Variants in CSGALNACT2 observed in about 807,000 individuals in gnomAD.
CSGALNACT2 encodes the protein chondroitin sulfate N-acetylgalactosaminyltransferase 2, also known as beta 4 GalNAcT-2.
In CSGALNACT2, 35 loss-of-function variants were observed where a neutral mutation model predicts 55.3. The ratio of observed to expected loss-of-function variants is 0.63; its 90% CI spans 0.48 to 0.84. CSGALNACT2 has a LOEUF of 0.84. Ranked by LOEUF, CSGALNACT2 falls within the 40% of genes least tolerant of loss-of-function variation. The probability of loss-of-function intolerance (pLI) is 0.00; values close to 1 mark genes in which losing one functional copy is unlikely to be tolerated. For missense variants in CSGALNACT2, 544 were observed against 657.5 expected, an observed-to-expected ratio of 0.83 and a Z score of 1.89; for synonymous variants, 196 against 224.9, an observed-to-expected ratio of 0.87 and a Z score of 1.15.
chr10:43,155,837 ATTATG>A, intron 2 of CSGALNACT2, 27 bp downstream of exon 2: 1 of 1,565,336 alleles, frequency 6.4e-7, no homozygotes. Flanking sequence ...GTTGGTCAAT[ATTATG>A]TTAGTAAGAC....
chr10:43,165,157 G>A (rs555580585), intron 5 of CSGALNACT2, among the ~76,000 whole-genome samples: 4 of 152,106 alleles, frequency 2.6e-5, no homozygotes, highest in African/African-American at 9.6e-5. Context: ...CCCAGGAGGC[G>A]GAGCTTGCAG....
chr10:43,167,160 G>A, intron 6 of CSGALNACT2, 62 bp downstream of exon 6: 1 of 1,065,710 alleles, frequency 9.4e-7, no homozygotes, highest in South Asian at 1.4e-5. Flanking sequence ...TGTTTGTTGT[G>A]TAAGTAGAAA....
At chr10:43,149,354 T>C (rs888984692) in intron 1 of CSGALNACT2, among the ~76,000 whole-genome samples, 18 of 152,212 alleles carry the variant, frequency 1.2e-4, no homozygotes, top group Non-Finnish European at 2.2e-4. Flanking sequence ...TCCAAAGTGC[T>C]GGAATTACAG....
chr10:43,177,999 TTTC>T (rs1839513597), intron 7 of CSGALNACT2, among the ~76,000 whole-genome samples: 1 of 152,232 alleles, frequency 6.6e-6, no homozygotes, highest in African/African-American at 2.4e-5. Context: ...GATTATAATT[TTTC>T]TTATGATTAA....
At chr10:43,172,049 C>T (rs984522283) in intron 6 of CSGALNACT2, among the ~76,000 whole-genome samples, 3 of 152,190 alleles carry the variant, frequency 2.0e-5, no homozygotes, top group Non-Finnish European at 2.9e-5. Context: ...TCCGTCGCTT[C>T]TGTTGGGGAT....
intron 6 of CSGALNACT2, 133 bp from the exon 7 acceptor site, chr10:43,175,818 C>A: frequency 1.3e-6 from 1 of 744,180 alleles, no homozygotes; most frequent in Non-Finnish European, 2.3e-6. Context: ...AACATAAGTG[C>A]ATGTGATCCT....
At position 43,160,487 on chromosome 10, in the gene CSGALNACT2, C is replaced by G; in HGVS notation, c.879-7C>G. On this transcript the variant is annotated splice_region_variant and splice_polypyrimidine_tract_variant and intron_variant, in intron 3 of 7. Coordinates refer to ENST00000374466, the MANE Select transcript of CSGALNACT2 (RefSeq NM_018590.5). The stretch of plus-strand genomic sequence containing the variant: ...TTGAATAAACTTTTATTTTTCACTT[C>G]TGTTAGGGATGTTTGTATTCATCAA... The G allele has an allele frequency of 7.0e-7, 1 of 1,421,758 alleles. No individual in the cohort carries two copies. The highest frequency in any genetic ancestry group is 1.8e-4 in the Middle Eastern group (1 of 5,636). The allele number at this position is 1,421,758 out of a possible 1,614,324, so 88.1% of individuals were successfully genotyped here. A position where few individuals can be genotyped will look rare whatever the true frequency, so the allele number is the denominator to read the frequency against.
intron 7 of CSGALNACT2, among the ~76,000 whole-genome samples, chr10:43,181,681 G>A (rs564702535): frequency 2.6e-5 from 4 of 151,176 alleles, no homozygotes; most frequent in South Asian, 2.1e-4. Context: ...AGGAGGCTAA[G>A]GCAGAAGGAT....
In CSGALNACT2 at chr10:43,183,742, C is replaced by G. The variant is rs1488191876; in HGVS notation, c.*200C>G. The G allele has an allele frequency of 5.1e-6, 3 of 588,054 alleles. No homozygotes were observed. In the East Asian group the frequency reaches 8.5e-5, roughly 17 times the overall value. The allele number at this position is 588,054 out of a possible 1,614,324, so 36.4% of individuals were successfully genotyped here. A position where few individuals can be genotyped will look rare whatever the true frequency, so the allele number is the denominator to read the frequency against. On this transcript the variant is annotated 3_prime_UTR_variant, in exon 8 of 8. Coordinates refer to ENST00000374466, the MANE Select transcript of CSGALNACT2 (RefSeq NM_018590.5). Reference sequence around the variant, plus strand: ...ACAAAATCTCTGTTTTGTGAGAATACTGCACTATGGAATAATTGACAAATT... The same window carrying G: ...ACAAAATCTCTGTTTTGTGAGAATAGTGCACTATGGAATAATTGACAAATT...
Position 43,155,384 on chromosome 10 carries a change from A to G in CSGALNACT2, c.235A>G (p.Ile79Val). Reference protein sequence around the residue: ...QTRATSLKRQIAQLKQELQEM... With the variant: ...QTRATSLKRQVAQLKQELQEM... ...CAGGGCAACCAGTCTGAAACGCCAA[A>G]TTGCCCAACTAAAACAAGAATTACA... The change falls in exon 2 of 8, where the codon ATT (isoleucine) becomes GTT (valine). Residue 79 changes from isoleucine to valine, a missense_variant. This residue lies in a region of CSGALNACT2 where 374 missense variants were observed against 401.3 expected (regional missense o/e 0.93). Coordinates refer to ENST00000374466, the MANE Select transcript of CSGALNACT2 (RefSeq NM_018590.5). 1 of 1,614,224 alleles carries G rather than the reference A, an allele frequency of 6.2e-7. No individual in the cohort carries two copies. The highest frequency in any genetic ancestry group is 8.5e-7 in the Non-Finnish European group (1 of 1,180,040).
At chr10:43,174,204 C>CA (rs888916623) in intron 6 of CSGALNACT2, among the ~76,000 whole-genome samples, 1,870 of 139,228 alleles carry the variant, frequency 0.013, 17 homozygotes, top group African/African-American at 0.04. Context: ...CCCCTCAGCT[C>CA]AAAAAAAAAA....
At chr10:43,140,661 A>G (rs1292010514) in intron 1 of CSGALNACT2, among the ~76,000 whole-genome samples, 1 of 152,252 alleles carries the variant, frequency 6.6e-6, no homozygotes, top group Admixed American at 6.5e-5. Context: ...TGAAATACCA[A>G]AAGGATATGA....
Position 43,179,405 on chromosome 10 carries a change from GTTTA to G in CSGALNACT2, c.1336+3384_1336+3387del, listed in dbSNP as rs1237952465. On this transcript the variant is annotated intron_variant, in intron 7 of 7. Transcript: ENST00000374466. ...CACGGCTTGGTTTTTTTTTTTCCTT[GTTTA>G]TTTATTTATTGACATGGCTGGACTA... Among the ~76,000 whole-genome samples the G allele has an allele frequency of 8.8e-5, 13 of 148,334 alleles. No individual in the cohort carries two copies. The East Asian group carries it at 1.4e-3, about 16-fold the overall frequency.
chr10:43,157,408 G>A (rs1839038159), intron 2 of CSGALNACT2, among the ~76,000 whole-genome samples: 1 of 152,138 alleles, frequency 6.6e-6, no homozygotes, highest in South Asian at 2.1e-4. Flanking sequence ...CCACTGCAGG[G>A]AGAATAATTA....
chr10:43,178,026 C>T (rs932464002), intron 7 of CSGALNACT2, among the ~76,000 whole-genome samples: 11 of 152,176 alleles, frequency 7.2e-5, no homozygotes, highest in East Asian at 3.8e-4. Flanking sequence ...TGTTGAGCAT[C>T]TCTTGATGTG....
At position 43,164,006 on chromosome 10, in the gene CSGALNACT2, C is replaced by T; in HGVS notation, c.1121C>T (p.Ala374Val). 6.2e-7 allele frequency: 1 copy of T among 1,613,826 alleles called. No individual in the cohort carries two copies. Among genetic ancestry groups the T allele is most frequent in the African/African-American group, 1.3e-5 (1 of 75,016 alleles). ...FFCDVDIYFS[A>V]EFLNSCRLNA... Reference sequence around the variant, plus strand: ...TGTGATGTTGATATCTATTTCTCAGCCGAATTCCTTAACAGCTGCCGGTTA... The same window carrying T: ...TGTGATGTTGATATCTATTTCTCAGTCGAATTCCTTAACAGCTGCCGGTTA... Residue 374 changes from alanine (A) to valine (V), a missense_variant, in exon 5 of 8, where the codon GCC becomes GTC. Transcript: ENST00000374466.
Position 43,155,478 on chromosome 10 carries a change from A to C in CSGALNACT2, c.329A>C (p.Gln110Pro), listed in dbSNP as rs1838977162. ...GTAGGGGCTAATGGCATAGGCTATC[A>C]GAGCAACAAAGAGCAAGCACCTAGT... ...RNVGANGIGY[Q>P]SNKEQAPSDL... Residue 110 changes from glutamine (Q) to proline (P), a missense_variant, in exon 2 of 8, where the codon CAG becomes CCG. Gln to Pro is a moderately conservative substitution (Grantham distance 76, BLOSUM62 -1). Around this residue, in one of 2 missense-constraint regions of CSGALNACT2, gnomAD observed 374 missense variants for 401.3 expected, o/e 0.93. Coordinates refer to ENST00000374466, the MANE Select transcript of CSGALNACT2 (RefSeq NM_018590.5). 1 of 1,614,150 alleles carries C rather than the reference A, an allele frequency of 6.2e-7. No homozygotes were observed. The highest frequency in any genetic ancestry group is 1.1e-5 in the South Asian group (1 of 91,094).
intron 6 of CSGALNACT2, among the ~76,000 whole-genome samples, chr10:43,170,840 A>C (rs1839368121): frequency 6.6e-6 from 1 of 152,190 alleles, no homozygotes; most frequent in South Asian, 2.1e-4. Flanking sequence ...TCCTCTTCCA[A>C]AAACGTAGAT....
intron 7 of CSGALNACT2, among the ~76,000 whole-genome samples, chr10:43,181,730 A>T (rs1488757102): frequency 6.7e-6 from 1 of 149,654 alleles, no homozygotes; most frequent in African/African-American, 2.5e-5. Context: ...GTGAGCTATG[A>T]TTGCACCTCT....
Sources: gnomAD v4.1 joint callset for allele counts (sites outside exome capture counted in the v4.1 genomes callset) on GRCh38, gnomAD v4.1.1 for gene constraint, gnomAD v4.1.1 regional missense constraint, MANE v1.5 for transcripts, NCBI Gene and HGNC (gene_info 2026-07-23, HGNC 2026-07-21) for gene names.